The following KCNMB4 variants were observed in gnomAD, a reference collection of about 807,000 sequenced individuals.
KCNMB4 encodes potassium calcium-activated channel subfamily M regulatory beta subunit 4, also known as calcium-activated potassium channel subunit beta-4.
Under a neutral mutation model 20.7 loss-of-function variants are expected in KCNMB4, and 3 were observed. The ratio of observed to expected loss-of-function variants is 0.14; its 90% CI spans 0.07 to 0.37. The LOEUF is 0.37. Ranked by LOEUF, KCNMB4 falls within the 10% of genes least tolerant of loss-of-function variation. The pLI, the probability that KCNMB4 is intolerant of heterozygous loss-of-function variation, is 1.00. For synonymous variants in KCNMB4, 110 were observed against 113.4 expected (o/e 0.97, Z 0.19); for missense variants, 168 against 265.9 (o/e 0.63, Z 2.56).
intron 2 of KCNMB4, among the ~76,000 whole-genome samples, chr12:70,426,908 A>G (rs1322641060): frequency 6.6e-6 from 1 of 151,506 alleles, no homozygotes. Context: ...CACAGTATTT[A>G]CTCTTCTTTT....
intron 2 of KCNMB4, among the ~76,000 whole-genome samples, chr12:70,428,032 T>C (rs1268863013): frequency 6.6e-6 from 1 of 152,158 alleles, no homozygotes; most frequent in African/African-American, 2.4e-5. Flanking sequence ...TTTTTTTTTC[T>C]TTTGGAGGCA....
intron 2 of KCNMB4, among the ~76,000 whole-genome samples, chr12:70,401,274 C>T (rs1225505303): frequency 2.6e-5 from 4 of 152,180 alleles, no homozygotes; most frequent in African/African-American, 9.7e-5. Flanking sequence ...GATCTGCCTG[C>T]CTCAGCCTCC....
intron 2 of KCNMB4, among the ~76,000 whole-genome samples, chr12:70,407,460 CTTTTT>C (rs35371839): frequency 1.1e-4 from 7 of 64,166 alleles, no homozygotes; most frequent in South Asian, 1.7e-3. Context: ...GTGCTGAATT[CTTTTT>C]TTTTTTTTTT....
At chr12:70,427,800 A>G (rs893162039) in intron 2 of KCNMB4, among the ~76,000 whole-genome samples, 3 of 152,172 alleles carry the variant, frequency 2.0e-5, no homozygotes, top group East Asian at 1.9e-4. Flanking sequence ...CATCTGGGCT[A>G]TTTTTCTGGC....
intron 1 of KCNMB4, among the ~76,000 whole-genome samples, chr12:70,383,185 G>A (rs929469408): frequency 1.8e-4 from 27 of 152,154 alleles, no homozygotes; most frequent in African/African-American, 5.8e-4. Context: ...GGTGATGGAC[G>A]TGCTAATTAG....
At chr12:70,380,060 T>C (rs1169721654) in intron 1 of KCNMB4, among the ~76,000 whole-genome samples, 2 of 152,268 alleles carry the variant, frequency 1.3e-5, no homozygotes, top group Non-Finnish European at 2.9e-5. Context: ...CAGCTTTTGA[T>C]GTGCTCTCCT....
chr12:70,421,134 A>G (rs1354668597), intron 2 of KCNMB4, among the ~76,000 whole-genome samples: 3 of 151,904 alleles, frequency 2.0e-5, no homozygotes, highest in African/African-American at 7.3e-5. Flanking sequence ...TCATTTCTTC[A>G]AGGTTGGAAA....
intron 2 of KCNMB4, among the ~76,000 whole-genome samples, chr12:70,403,480 A>C (rs1868513029): frequency 1.3e-5 from 2 of 152,022 alleles, no homozygotes; most frequent in East Asian, 3.9e-4. Context: ...TTACAGGTGC[A>C]TGCCACCATG....
At chr12:70,425,503 G>A (rs1383112966) in intron 2 of KCNMB4, among the ~76,000 whole-genome samples, 3 of 152,078 alleles carry the variant, frequency 2.0e-5, no homozygotes, top group Admixed American at 6.6e-5. Flanking sequence ...ATTACATATC[G>A]TGGTCAGTAA....
At position 70,433,852 on chromosome 12, in the gene KCNMB4, TG is replaced by T. The variant is rs1482462786; in HGVS notation, c.*3201del. ...GGAAAGTCTTGCTCGTCAGCTTCTG[TG>T]GCCCCGTCTGAAACTTTTGAGGGAC... is the stretch of plus-strand genomic sequence containing the variant. On this transcript the variant is annotated 3_prime_UTR_variant, in exon 3 of 3. Transcript: ENST00000258111. 6.6e-6 allele frequency: 1 copy of T among 152,240 alleles called. No homozygotes were observed. Among genetic ancestry groups the T allele is most frequent in the African/African-American group, 2.4e-5 (1 of 41,462 alleles). The allele number at this position is 152,240 out of a possible 1,614,324, so 9.4% of individuals were successfully genotyped here.
intron 1 of KCNMB4, among the ~76,000 whole-genome samples, chr12:70,384,519 C>A (rs778476339): frequency 3.0e-4 from 46 of 152,122 alleles, no homozygotes; most frequent in Non-Finnish European, 6.2e-4. Flanking sequence ...GTTGGGGAAA[C>A]ACCTCGGGAT....
chr12:70,432,117 C>T lies in KCNMB4; in HGVS notation c.*1464C>T, dbSNP rs1405114966. 6.6e-6 allele frequency: 1 copy of T among 151,296 alleles called. No homozygotes were observed. Among genetic ancestry groups the T allele is most frequent in the African/African-American group, 2.4e-5 (1 of 41,072 alleles). The allele number at this position is 151,296 out of a possible 1,614,324, so 9.4% of individuals were successfully genotyped here. ...CGATCTCGGCTCACTACAGTCTCCACCTCCTGGGTTCAAGTCATTCCTCTG... is the reference window on the plus strand; with the variant it reads ...CGATCTCGGCTCACTACAGTCTCCATCTCCTGGGTTCAAGTCATTCCTCTG... On this transcript the variant is annotated 3_prime_UTR_variant, in exon 3 of 3. Coordinates refer to ENST00000258111, the MANE Select transcript of KCNMB4 (RefSeq NM_014505.6).
chr12:70,426,024 G>A (rs1031606792), intron 2 of KCNMB4, among the ~76,000 whole-genome samples: 4 of 152,038 alleles, frequency 2.6e-5, no homozygotes, highest in African/African-American at 9.7e-5. Context: ...GCCAGGCGGG[G>A]TGGCTCACGT....
At chr12:70,397,105 C>T (rs1232454053) in intron 1 of KCNMB4, among the ~76,000 whole-genome samples, 3 of 151,974 alleles carry the variant, frequency 2.0e-5, no homozygotes, top group Non-Finnish European at 4.4e-5. Flanking sequence ...CACCTGTAAC[C>T]CCAGCACTCT....
intron 2 of KCNMB4, among the ~76,000 whole-genome samples, chr12:70,410,689 G>C (rs1868748020): frequency 6.6e-6 from 1 of 152,142 alleles, no homozygotes; most frequent in Non-Finnish European, 1.5e-5. Context: ...TGCCTCTGTA[G>C]ATTTCTAACA....
intron 2 of KCNMB4, among the ~76,000 whole-genome samples, chr12:70,424,550 G>T (rs547139356): frequency 6.6e-6 from 1 of 152,210 alleles, no homozygotes; most frequent in African/African-American, 2.4e-5. Flanking sequence ...AGGAGTTTGA[G>T]ACCAGCCTGG....
At chr12:70,375,725 C>T (rs983396154) in intron 1 of KCNMB4, among the ~76,000 whole-genome samples, 4 of 152,246 alleles carry the variant, frequency 2.6e-5, no homozygotes, top group South Asian at 2.1e-4. Flanking sequence ...TTAGTAGTTC[C>T]GTGTTGGGGT....
chr12:70,368,489 T>C lies in KCNMB4; in HGVS notation c.336+1419T>C, dbSNP rs571135251. 6.6e-5 allele frequency among the ~76,000 whole-genome samples: 10 copies of C among 152,252 alleles called. No individual in the cohort carries two copies. The South Asian group carries it at 1.4e-3, about 22-fold the overall frequency. Reference sequence around the variant, plus strand: ...GAATATAGAATTTGGAGTATAATGTTAAAGATCTTGAAGAGGTGATAACGT... The same window carrying C: ...GAATATAGAATTTGGAGTATAATGTCAAAGATCTTGAAGAGGTGATAACGT... On this transcript the variant is annotated intron_variant, in intron 1 of 2. Transcript: ENST00000258111.
In KCNMB4 at chr12:70,366,689, C is replaced by A; in HGVS notation, c.-46C>A. The A allele has an allele frequency of 8.0e-7, 1 of 1,249,330 alleles. No individual in the cohort carries two copies. Among genetic ancestry groups the A allele is most frequent in the South Asian group, 1.8e-5 (1 of 56,788 alleles). The allele number at this position is 1,249,330 out of a possible 1,614,324, so 77.4% of individuals were successfully genotyped here. On this transcript the variant is annotated 5_prime_UTR_variant, in exon 1 of 3. Coordinates refer to ENST00000258111, the MANE Select transcript of KCNMB4 (RefSeq NM_014505.6). ...AGGCAGTCGGGCTCGGCGCCGGGGG[C>A]GGGAGGGGGCGGGGGGAGCACGCCA...
Sources: gnomAD v4.1 joint callset for allele counts (sites outside exome capture counted in the v4.1 genomes callset) on GRCh38, gnomAD v4.1.1 for gene constraint, MANE v1.5 for transcripts, NCBI Gene and HGNC (gene_info 2026-07-23, HGNC 2026-07-21) for gene names.